RNF121: variants seen among roughly 807,000 people sequenced by gnomAD.
RNF121 encodes ring finger protein 121.
A neutral mutation model predicts 46.5 loss-of-function variants in RNF121; 21 were observed. That is an observed-to-expected ratio of 0.45 (90% CI 0.32 to 0.65). The LOEUF is 0.65. Among genes scored for constraint, RNF121 ranks in the 30% least tolerant of loss-of-function variants. The pLI is 0.04. For synonymous variants in RNF121, 139 were observed against 144.7 expected (o/e 0.96, Z 0.28); for missense variants, 346 against 416.0 (o/e 0.83, Z 1.46).
At position 71,966,042 on chromosome 11, in the gene RNF121, A is replaced by G. The variant is rs1418257030; in HGVS notation, c.243+5151A>G. ...ATATTTGATACATTTTTTTTGAGACAGAGTTTCCCTCTTGTTGCCCAGGCT... is the reference window on the plus strand; with the variant it reads ...ATATTTGATACATTTTTTTTGAGACGGAGTTTCCCTCTTGTTGCCCAGGCT... On this transcript the variant is annotated intron_variant, in intron 3 of 8. Coordinates refer to ENST00000361756, the MANE Select transcript of RNF121 (RefSeq NM_018320.5). Among the ~76,000 whole-genome samples the G allele has an allele frequency of 2.6e-5, 4 of 152,150 alleles. No homozygotes were observed. In the East Asian group the frequency reaches 7.7e-4, roughly 29 times the overall value.
intron 3 of RNF121, among the ~76,000 whole-genome samples, chr11:71,966,337 C>G (rs139860641): frequency 1.3e-5 from 2 of 152,072 alleles, no homozygotes; most frequent in African/African-American, 2.4e-5. Flanking sequence ...CCATTTTTAT[C>G]GAAGTAATAC....
chr11:71,944,726 C>A (rs1953672794), intron 1 of RNF121, among the ~76,000 whole-genome samples: 1 of 152,106 alleles, frequency 6.6e-6, no homozygotes, highest in African/African-American at 2.4e-5. Context: ...GACACAGTGA[C>A]TCGAGAAGTA....
chr11:71,978,139 G>T (rs906883170), intron 3 of RNF121: 1 of 447,590 alleles, frequency 2.2e-6, no homozygotes, highest in Non-Finnish European at 4.5e-6. Flanking sequence ...GGGCTCAAGC[G>T]ATCCATCTGC....
rs374963756 is a variant in RNF121 at position 71,960,727 on chromosome 11, C to T, written c.102-23C>T. 1.9e-6 allele frequency: 3 copies of T among 1,606,508 alleles called. No individual in the cohort carries two copies. The African/African-American group carries it at 4.0e-5, about 21-fold the overall frequency. The stretch of plus-strand genomic sequence containing the variant: ...TCACTACAGCATCCCTGACTTGATT[C>T]ACCCCATGTGTTTGGCTTTCAGGGT... On this transcript the variant is annotated intron_variant, in intron 2 of 8. Transcript: ENST00000361756.
chr11:71,983,028 T>C (rs1954695869), intron 4 of RNF121, 113 bp downstream of exon 4: 1 of 1,064,190 alleles, frequency 9.4e-7, no homozygotes, highest in South Asian at 2.6e-5. Context: ...CTGCCAAAAT[T>C]ATTTGGCATG....
At chr11:71,989,407 C>G (rs1954826364) in intron 5 of RNF121, among the ~76,000 whole-genome samples, 1 of 152,240 alleles carries the variant, frequency 6.6e-6, no homozygotes, top group South Asian at 2.1e-4. Flanking sequence ...AAAGATAATT[C>G]TTCTATAATT....
intron 3 of RNF121, among the ~76,000 whole-genome samples, chr11:71,966,996 C>T (rs968195898): frequency 4.7e-5 from 7 of 148,726 alleles, no homozygotes; most frequent in African/African-American, 7.3e-5. Context: ...CTCAGCCTCC[C>T]GAGTAGCTGG....
At chr11:71,966,929 A>G (rs1188079465) in intron 3 of RNF121, among the ~76,000 whole-genome samples, 1 of 148,002 alleles carries the variant, frequency 6.8e-6, no homozygotes, top group African/African-American at 2.5e-5. Flanking sequence ...CGGACTGCAG[A>G]GGCGCAATCT....
At position 71,937,930 on chromosome 11, in the gene RNF121, T is replaced by C. The variant is rs180712430; in HGVS notation, c.63+8806T>C. Among the ~76,000 whole-genome samples, 456 of 152,318 alleles carry C rather than the reference T, an allele frequency of 3.0e-3. 2 individuals carry two copies. The highest frequency in any genetic ancestry group is 0.011 in the African/African-American group (439 of 41,582). Reference sequence around the variant, plus strand: ...CCTCTACTCCTCAGAGAAAAATCTGTAGGTAAAATAAACTCATAAGTTCCC... The same window carrying C: ...CCTCTACTCCTCAGAGAAAAATCTGCAGGTAAAATAAACTCATAAGTTCCC... On this transcript the variant is annotated intron_variant, in intron 1 of 8. Transcript: ENST00000361756.
At chr11:71,996,170 T>C (rs2134226338) in intron 8 of RNF121, 25 bp from the exon 9 acceptor site, 1 of 1,613,070 alleles carries the variant, frequency 6.2e-7, no homozygotes, top group Non-Finnish European at 8.5e-7. Flanking sequence ...TTGCACAGAG[T>C]CTCTTTTCTT....
Position 71,932,946 on chromosome 11 carries a change from G to C in RNF121, c.63+3822G>C, listed in dbSNP as rs537692357. 3.3e-5 allele frequency among the ~76,000 whole-genome samples: 5 copies of C among 152,306 alleles called. No individual in the cohort carries two copies. The South Asian group carries it at 8.3e-4, about 25-fold the overall frequency. ...CCTGTTGGTAGTTAGGGAGAGGAGAGATGGGCCTAGCCAGCTCAGCTCAGG... is the reference window on the plus strand; with the variant it reads ...CCTGTTGGTAGTTAGGGAGAGGAGACATGGGCCTAGCCAGCTCAGCTCAGG... On this transcript the variant is annotated intron_variant, in intron 1 of 8. Transcript: ENST00000361756.
intron 3 of RNF121, among the ~76,000 whole-genome samples, chr11:71,973,575 T>G (rs4491255): frequency 0.79 from 119,589 of 151,874 alleles, 50,156 homozygotes; most frequent in Non-Finnish European, 0.94. Context: ...TCACCTGAGG[T>G]TGGGAGTTCA....
chr11:71,992,953 A>G (rs574688985), intron 6 of RNF121, among the ~76,000 whole-genome samples: 1 of 152,312 alleles, frequency 6.6e-6, no homozygotes, highest in East Asian at 1.9e-4. Context: ...TCATCCCCCA[A>G]GACCCCACCC....
At chr11:71,954,475 C>T (rs1188548420) in intron 1 of RNF121, among the ~76,000 whole-genome samples, 1 of 152,214 alleles carries the variant, frequency 6.6e-6, no homozygotes. Context: ...GCTTCACCAA[C>T]ATTCAATTAT....
At chr11:71,937,164 G>A (rs567224715) in intron 1 of RNF121, among the ~76,000 whole-genome samples, 53 of 152,240 alleles carry the variant, frequency 3.5e-4, no homozygotes, top group African/African-American at 1.1e-3. Flanking sequence ...ACAGATTTCC[G>A]TCAGCACTTA....
intron 3 of RNF121, among the ~76,000 whole-genome samples, chr11:71,967,805 T>C (rs1382678626): frequency 2.0e-5 from 3 of 152,090 alleles, no homozygotes; most frequent in Non-Finnish European, 4.4e-5. Context: ...AAATATTCAT[T>C]GTTTACATTA....
At chr11:71,977,806 G>A (rs1189333243) in intron 3 of RNF121, among the ~76,000 whole-genome samples, 1 of 152,024 alleles carries the variant, frequency 6.6e-6, no homozygotes, top group Admixed American at 6.6e-5. Context: ...CTTTGTACTG[G>A]CCACCTAATT....
chr11:71,960,884 C>T lies in RNF121; in HGVS notation c.236C>T (p.Ser79Phe), dbSNP rs774786715. Residue 79 changes from serine (S) to phenylalanine (F), a missense_variant, in exon 3 of 9, where the codon TCC becomes TTC. Around this residue, in one of 2 missense-constraint regions of RNF121, gnomAD observed 286 missense variants for 383.8 expected, o/e 0.75. Coordinates refer to ENST00000361756, the MANE Select transcript of RNF121 (RefSeq NM_018320.5). ...CAGTGGAAGCAGAGGCACCCACGCT[C>T]CTACAATGTAAGCCACTTTGCCTCT... ...LVQWKQRHPRSYNMVTLFQMW... is the reference protein window; with the variant it reads ...LVQWKQRHPRFYNMVTLFQMW... 3.7e-6 allele frequency: 6 copies of T among 1,613,708 alleles called. No individual in the cohort carries two copies. The Admixed American group carries it at 5.0e-5, about 13-fold the overall frequency.
At chr11:71,985,391 T>C (rs929742636) in intron 4 of RNF121, among the ~76,000 whole-genome samples, 3 of 152,232 alleles carry the variant, frequency 2.0e-5, no homozygotes, top group Non-Finnish European at 2.9e-5. Context: ...ATTTGACTTA[T>C]CTGAGGTTAT....
Sources: gnomAD v4.1 joint callset for allele counts (sites outside exome capture counted in the v4.1 genomes callset) on GRCh38, gnomAD v4.1.1 for gene constraint, gnomAD v4.1.1 regional missense constraint, MANE v1.5 for transcripts, NCBI Gene and HGNC (gene_info 2026-07-23, HGNC 2026-07-21) for gene names.